PBX3: variants seen among roughly 807,000 people sequenced by gnomAD.
PBX3 encodes pre-B-cell leukemia transcription factor 3.
Under a neutral mutation model 48.5 loss-of-function variants are expected in PBX3, and 14 were observed. The observed-to-expected ratio is 0.29, with a 90% confidence interval of 0.19 to 0.45. The LOEUF (loss-of-function observed/expected upper bound fraction) is 0.45, where lower values mean the gene tolerates loss of function less well. Among genes scored for constraint, PBX3 ranks in the 20% least tolerant of loss-of-function variants. The pLI, the probability that PBX3 is intolerant of heterozygous loss-of-function variation, is 1.00. For missense variants in PBX3, 386 were observed against 546.7 expected (o/e 0.71, Z 2.93); for synonymous variants, 210 against 200.3 (o/e 1.05, Z -0.41).
chr9:125,812,916 G>A lies in PBX3; in HGVS notation c.274+64293G>A, dbSNP rs139936534. On this transcript the variant is annotated intron_variant, in intron 2 of 8. Coordinates refer to ENST00000373489, the MANE Select transcript of PBX3 (RefSeq NM_006195.6). The stretch of plus-strand genomic sequence containing the variant: ...AGATAAAACATGGTATAGCTGTATA[G>A]GGCACTTACCATGAATGGAGCTTGT... Among the ~76,000 whole-genome samples, 123 of 152,294 alleles carry A rather than the reference G, an allele frequency of 8.1e-4. No homozygotes were observed. The East Asian group carries it at 0.02, about 25-fold the overall frequency.
intron 2 of PBX3, among the ~76,000 whole-genome samples, chr9:125,891,640 C>T (rs747409527): frequency 6.6e-6 from 1 of 152,142 alleles, no homozygotes; most frequent in Non-Finnish European, 1.5e-5. Context: ...TCTTTTAAGC[C>T]TTAGGAAAAA....
At chr9:125,820,658 A>G (rs1449879083) in intron 2 of PBX3, among the ~76,000 whole-genome samples, 2 of 152,256 alleles carry the variant, frequency 1.3e-5, no homozygotes, top group East Asian at 1.9e-4. Context: ...GACAGAAGAC[A>G]GTGATATAAA....
At chr9:125,878,344 G>T (rs1192543619) in intron 2 of PBX3, among the ~76,000 whole-genome samples, 1 of 152,174 alleles carries the variant, frequency 6.6e-6, no homozygotes, top group Non-Finnish European at 1.5e-5. Context: ...TCATAATGAT[G>T]AATAAGAAAG....
intron 3 of PBX3, among the ~76,000 whole-genome samples, chr9:125,927,538 A>G (rs950078996): frequency 1.3e-5 from 2 of 152,182 alleles, no homozygotes; most frequent in Non-Finnish European, 1.5e-5. Context: ...TAACTTCCAA[A>G]CATGTCTTGC....
intron 4 of PBX3, among the ~76,000 whole-genome samples, chr9:125,931,473 T>C (rs1841713182): frequency 6.6e-6 from 1 of 152,148 alleles, no homozygotes; most frequent in Non-Finnish European, 1.5e-5. Flanking sequence ...AATTTTTGTA[T>C]TTTTTGTAGA....
chr9:125,768,430 A>G (rs1035472769), intron 2 of PBX3, among the ~76,000 whole-genome samples: 6 of 152,228 alleles, frequency 3.9e-5, no homozygotes, highest in Non-Finnish European at 8.8e-5. Context: ...TGTATGAACA[A>G]TCGAAACAAA....
At chr9:125,777,444 C>A (rs1374287718) in intron 2 of PBX3, among the ~76,000 whole-genome samples, 1 of 151,986 alleles carries the variant, frequency 6.6e-6, no homozygotes, top group African/African-American at 2.4e-5. Flanking sequence ...CAACCTCCAC[C>A]CCCTGGGTTC....
chr9:125,963,124 T>C, intron 8 of PBX3, 23 bp downstream of exon 8: 1 of 1,336,680 alleles, frequency 7.5e-7, no homozygotes, highest in South Asian at 1.3e-5. Context: ...GGGAGTCAGC[T>C]GTAGGAGAAC....
At chr9:125,938,040 G>C (rs1196767093) in intron 5 of PBX3, among the ~76,000 whole-genome samples, 1 of 152,112 alleles carries the variant, frequency 6.6e-6, no homozygotes, top group Non-Finnish European at 1.5e-5. Context: ...TCTAGAAATT[G>C]TTCATAGAGA....
At chr9:125,928,684 C>G (rs1030992039) in intron 3 of PBX3, among the ~76,000 whole-genome samples, 3 of 152,066 alleles carry the variant, frequency 2.0e-5, no homozygotes, top group Non-Finnish European at 4.4e-5. Context: ...CCAGGATGGT[C>G]TCGATCTCCT....
intron 2 of PBX3, among the ~76,000 whole-genome samples, chr9:125,887,854 T>C (rs929061148): frequency 4.6e-5 from 7 of 152,182 alleles, no homozygotes; most frequent in Non-Finnish European, 1.5e-5. Flanking sequence ...CATTTGTTAA[T>C]ATAGAAGTTA....
At chr9:125,843,009 G>C (rs560590612) in intron 2 of PBX3, among the ~76,000 whole-genome samples, 1 of 152,128 alleles carries the variant, frequency 6.6e-6, no homozygotes, top group Non-Finnish European at 1.5e-5. Flanking sequence ...TGGTTTTCAC[G>C]ATAAAGAAAT....
intron 8 of PBX3, among the ~76,000 whole-genome samples, chr9:125,963,621 C>G (rs1435049366): frequency 5.3e-5 from 8 of 152,174 alleles, no homozygotes; most frequent in Non-Finnish European, 1.2e-4. Context: ...TTCACTACAA[C>G]TTTACCTTTC....
At chr9:125,809,856 A>T (rs865938250) in intron 2 of PBX3, among the ~76,000 whole-genome samples, 1 of 152,218 alleles carries the variant, frequency 6.6e-6, no homozygotes, top group African/African-American at 2.4e-5. Context: ...GCAACCTGGT[A>T]GAAAAATGAA....
At chr9:125,852,301 A>C (rs1446282685) in intron 2 of PBX3, among the ~76,000 whole-genome samples, 1 of 152,170 alleles carries the variant, frequency 6.6e-6, no homozygotes, top group African/African-American at 2.4e-5. Flanking sequence ...TTAGTGCCAG[A>C]TGCTAGAATC....
chr9:125,953,975 A>G (rs1842249092), intron 5 of PBX3, among the ~76,000 whole-genome samples: 1 of 152,142 alleles, frequency 6.6e-6, no homozygotes, highest in South Asian at 2.1e-4. Context: ...TTCCTTACGT[A>G]TATGTGTACG....
intron 2 of PBX3, among the ~76,000 whole-genome samples, chr9:125,888,632 G>A (rs954382016): frequency 6.7e-6 from 1 of 149,986 alleles, no homozygotes; most frequent in African/African-American, 2.5e-5. Context: ...GTAAAGTTTT[G>A]GACTTGATTA....
intron 5 of PBX3, among the ~76,000 whole-genome samples, chr9:125,948,145 T>C (rs1388387197): frequency 1.3e-5 from 2 of 152,338 alleles, no homozygotes; most frequent in East Asian, 3.9e-4. Flanking sequence ...GCTGGCAATT[T>C]ACAGCTCCCA....
chr9:125,805,937 T>C (rs1838112589), intron 2 of PBX3, among the ~76,000 whole-genome samples: 1 of 152,234 alleles, frequency 6.6e-6, no homozygotes, highest in Non-Finnish European at 1.5e-5. Context: ...CTAATAGAGC[T>C]TAGCTTGCAA....
Sources: gnomAD v4.1 joint callset for allele counts (sites outside exome capture counted in the v4.1 genomes callset) on GRCh38, gnomAD v4.1.1 for gene constraint, MANE v1.5 for transcripts, NCBI Gene and HGNC (gene_info 2026-07-23, HGNC 2026-07-21) for gene names.